GRIA1: variants seen among roughly 807,000 people sequenced by gnomAD.
GRIA1 encodes the protein glutamate ionotropic receptor AMPA type subunit 1.
GRIA1 carries 31 observed loss-of-function variants against 99.2 expected under a neutral mutation model. The ratio of observed to expected loss-of-function variants is 0.31; its 90% CI spans 0.23 to 0.42. GRIA1 has a LOEUF of 0.42. Ranked by LOEUF, GRIA1 falls within the 10% of genes least tolerant of loss-of-function variation. The pLI, the probability that GRIA1 is intolerant of heterozygous loss-of-function variation, is 1.00. For missense variants in GRIA1, 782 were observed against 1,157.5 expected (o/e 0.68, Z 4.71); for synonymous variants, 438 against 432.4 (o/e 1.01, Z -0.16).
At chr5:153,646,267 G>C (rs1380635993) in intron 2 of GRIA1, among the ~76,000 whole-genome samples, 1 of 145,120 alleles carries the variant, frequency 6.9e-6, no homozygotes, top group Non-Finnish European at 1.5e-5. Flanking sequence ...AACATTAGCA[G>C]ACAAATGAAC....
chr5:153,631,578 C>T lies in GRIA1; in HGVS notation c.221-15350C>T, dbSNP rs145701515. Reference sequence around the variant, plus strand: ...ATTGTAATATTAGGTATCAGAGAGACGACTCTAAGGTTGGGGAAAAGCATG... The same window carrying T: ...ATTGTAATATTAGGTATCAGAGAGATGACTCTAAGGTTGGGGAAAAGCATG... On this transcript the variant is annotated intron_variant, in intron 2 of 15. Transcript: ENST00000285900. 1.4e-4 allele frequency among the ~76,000 whole-genome samples: 22 copies of T among 152,110 alleles called. No homozygotes were observed. In the East Asian group the frequency reaches 2.7e-3, roughly 19 times the overall value.
chr5:153,734,664 C>T (rs551223284), intron 11 of GRIA1, among the ~76,000 whole-genome samples: 2 of 152,124 alleles, frequency 1.3e-5, no homozygotes, highest in Non-Finnish European at 2.9e-5. Flanking sequence ...AAGAGAAGAG[C>T]CAGAATTTAT....
intron 13 of GRIA1, among the ~76,000 whole-genome samples, chr5:153,784,405 TAA>T (rs34530863): frequency 1.3e-5 from 2 of 151,968 alleles, no homozygotes; most frequent in African/African-American, 2.4e-5. Flanking sequence ...TCATTTGCTT[TAA>T]AAAAAAATTA....
intron 2 of GRIA1, among the ~76,000 whole-genome samples, chr5:153,518,360 C>T (rs1176116399): frequency 6.6e-6 from 1 of 152,122 alleles, no homozygotes. Context: ...TCCTTGTATC[C>T]TGTGTCTAGT....
chr5:153,531,097 G>A (rs758250428), intron 2 of GRIA1, among the ~76,000 whole-genome samples: 1 of 152,218 alleles, frequency 6.6e-6, no homozygotes. Flanking sequence ...GATGAGAATG[G>A]TAAGTGAGAG....
intron 11 of GRIA1, among the ~76,000 whole-genome samples, chr5:153,735,879 G>A (rs1761344649): frequency 6.6e-6 from 1 of 152,146 alleles, no homozygotes; most frequent in Non-Finnish European, 1.5e-5. Flanking sequence ...TGGAGTGACA[G>A]GTGTATGGAA....
chr5:153,617,973 A>G (rs1437347129), intron 2 of GRIA1, among the ~76,000 whole-genome samples: 3 of 152,196 alleles, frequency 2.0e-5, no homozygotes, highest in Non-Finnish European at 4.4e-5. Context: ...CCCACTTTCT[A>G]TTATGATCAT....
chr5:153,601,615 G>A (rs541016700), intron 2 of GRIA1, among the ~76,000 whole-genome samples: 5 of 152,320 alleles, frequency 3.3e-5, no homozygotes, highest in Non-Finnish European at 7.3e-5. Flanking sequence ...TTAGGGCTGA[G>A]CTGAAAAGCT....
chr5:153,603,229 A>G (rs1379961059), intron 2 of GRIA1, among the ~76,000 whole-genome samples: 3 of 152,188 alleles, frequency 2.0e-5, no homozygotes, highest in South Asian at 2.1e-4. Context: ...AATTTCATCC[A>G]TGTCCCTACA....
intron 7 of GRIA1, among the ~76,000 whole-genome samples, chr5:153,683,902 T>A (rs1433989697): frequency 6.6e-6 from 1 of 152,186 alleles, no homozygotes. Flanking sequence ...ACAGTTAGAA[T>A]GAGCAGAGCA....
At chr5:153,735,660 G>A (rs748782333) in intron 11 of GRIA1, among the ~76,000 whole-genome samples, 1 of 152,118 alleles carries the variant, frequency 6.6e-6, no homozygotes, top group Non-Finnish European at 1.5e-5. Flanking sequence ...TATTACATTA[G>A]TCCAGACAAA....
chr5:153,529,927 C>A (rs1465018629), intron 2 of GRIA1, among the ~76,000 whole-genome samples: 1 of 152,110 alleles, frequency 6.6e-6, no homozygotes, highest in Non-Finnish European at 1.5e-5. Context: ...AGCCTTATTA[C>A]CCTGTTCCCT....
intron 12 of GRIA1, among the ~76,000 whole-genome samples, chr5:153,765,543 A>T (rs1340378954): frequency 6.6e-6 from 1 of 152,156 alleles, no homozygotes; most frequent in Non-Finnish European, 1.5e-5. Flanking sequence ...ACCTGTAAAC[A>T]TTTATAGATA....
chr5:153,754,123 G>A (rs1398778483), intron 11 of GRIA1, among the ~76,000 whole-genome samples: 4 of 152,168 alleles, frequency 2.6e-5, no homozygotes, highest in African/African-American at 9.7e-5. Flanking sequence ...AAAGAGAAAA[G>A]GCTCTCATTC....
chr5:153,804,241 G>A (rs1766256688), intron 15 of GRIA1, among the ~76,000 whole-genome samples: 1 of 152,104 alleles, frequency 6.6e-6, no homozygotes, highest in Admixed American at 6.5e-5. Context: ...CCATCTCCAG[G>A]TCCCTCTCAT....
intron 8 of GRIA1, among the ~76,000 whole-genome samples, chr5:153,691,102 C>A (rs1757713888): frequency 6.6e-6 from 1 of 152,170 alleles, no homozygotes; most frequent in Non-Finnish European, 1.5e-5. Context: ...AATTTGACAT[C>A]CCACTGAAAT....
chr5:153,714,269 C>T lies in GRIA1; in HGVS notation c.1823+8202C>T, dbSNP rs549518286. ...CTTGTACGCCACCAGTTTGAGAGCCCTAAAAGAATGGTGAGGAATAAAACA... is the reference window on the plus strand; with the variant it reads ...CTTGTACGCCACCAGTTTGAGAGCCTTAAAAGAATGGTGAGGAATAAAACA... On this transcript the variant is annotated intron_variant, in intron 11 of 15. Coordinates refer to ENST00000285900, the MANE Select transcript of GRIA1 (RefSeq NM_000827.4). Among the ~76,000 whole-genome samples, 14 of 152,196 alleles carry T rather than the reference C, an allele frequency of 9.2e-5. No homozygotes were observed. The South Asian group carries it at 1.2e-3, about 14-fold the overall frequency.
intron 2 of GRIA1, among the ~76,000 whole-genome samples, chr5:153,590,232 T>C (rs1195339778): frequency 6.6e-6 from 1 of 151,974 alleles, no homozygotes; most frequent in Admixed American, 6.6e-5. Flanking sequence ...TTCGAAAAAA[T>C]TGCATTAGTA....
At chr5:153,809,471 G>A (rs531493704) in intron 15 of GRIA1, among the ~76,000 whole-genome samples, 2 of 152,216 alleles carry the variant, frequency 1.3e-5, no homozygotes, top group South Asian at 4.1e-4. Flanking sequence ...TGTCAGAACT[G>A]CCAGTAATAC....
Sources: gnomAD v4.1 joint callset for allele counts (sites outside exome capture counted in the v4.1 genomes callset) on GRCh38, gnomAD v4.1.1 for gene constraint, MANE v1.5 for transcripts, NCBI Gene and HGNC (gene_info 2026-07-23, HGNC 2026-07-21) for gene names.